The following BICC1 variants were observed in gnomAD, a reference collection of about 807,000 sequenced individuals.
BICC1 encodes the protein BicC family RNA binding protein 1.
A neutral mutation model predicts 111.0 loss-of-function variants in BICC1; 43 were observed. The ratio of observed to expected loss-of-function variants is 0.39; its 90% CI spans 0.30 to 0.50. BICC1 has a LOEUF of 0.50. Ranked by LOEUF, BICC1 falls within the 20% of genes least tolerant of loss-of-function variation. The pLI is 0.88. For synonymous variants in BICC1, 467 were observed against 434.4 expected (o/e 1.07, Z -0.93); for missense variants, 1,091 against 1,203.2 (o/e 0.91, Z 1.38).
intron 1 of BICC1, among the ~76,000 whole-genome samples, chr10:58,593,982 A>C (rs896437769): frequency 6.6e-6 from 1 of 152,000 alleles, no homozygotes; most frequent in Admixed American, 6.6e-5. Flanking sequence ...CCTTTAAAAA[A>C]GGTGAGACGA....
intron 1 of BICC1, among the ~76,000 whole-genome samples, chr10:58,581,173 A>G (rs1223560567): frequency 6.6e-6 from 1 of 152,178 alleles, no homozygotes; most frequent in Non-Finnish European, 1.5e-5. Context: ...ATAAAGTCTC[A>G]GATAATTGTG....
At position 58,831,195 on chromosome 10, in the gene BICC1, G is replaced by A. The variant is rs1293644309; in HGVS notation, c.*2304G>A. 1 of 152,146 alleles carries A rather than the reference G, an allele frequency of 6.6e-6. No homozygotes were observed. The highest frequency in any genetic ancestry group is 1.5e-5 in the Non-Finnish European group (1 of 68,030). 9.4% of individuals were successfully genotyped at this position (152,146 alleles called of 1,614,324 possible). A position where few individuals can be genotyped will look rare whatever the true frequency, so the allele number is the denominator to read the frequency against. On this transcript the variant is annotated 3_prime_UTR_variant, in exon 21 of 21. Coordinates refer to ENST00000373886, the MANE Select transcript of BICC1 (RefSeq NM_001080512.3). ...GTATACAGAGTTGTTGTTATATGAT[G>A]CACAAAATATTTTGATGATTTGAAT...
At chr10:58,667,501 C>G (rs1201181829) in intron 2 of BICC1, among the ~76,000 whole-genome samples, 39 of 364 alleles carry the variant, frequency 0.11, no homozygotes, top group African/African-American at 0.25. Context: ...CTTATATTTC[C>G]CTTTCAAAGG....
intron 1 of BICC1, among the ~76,000 whole-genome samples, chr10:58,545,328 T>C (rs188085653): frequency 2.0e-3 from 303 of 152,222 alleles, no homozygotes; most frequent in African/African-American, 6.9e-3. Context: ...GTTTCTCAAG[T>C]TTGCAAAATT....
intron 3 of BICC1, among the ~76,000 whole-genome samples, chr10:58,753,026 G>A (rs908209078): frequency 2.6e-5 from 4 of 152,270 alleles, no homozygotes; most frequent in Non-Finnish European, 5.9e-5. Flanking sequence ...AAAGTGGGGC[G>A]ATTGAAGGGC....
chr10:58,595,900 C>G (rs958178782), intron 1 of BICC1, among the ~76,000 whole-genome samples: 10 of 152,108 alleles, frequency 6.6e-5, no homozygotes, highest in African/African-American at 1.2e-4. Flanking sequence ...ATGAAAAACT[C>G]TTTAAAAAAT....
chr10:58,585,219 G>A (rs1419698714), intron 1 of BICC1, among the ~76,000 whole-genome samples: 1 of 152,080 alleles, frequency 6.6e-6, no homozygotes, highest in Non-Finnish European at 1.5e-5. Context: ...GTTTACTTTG[G>A]CAAGCAAGGC....
intron 2 of BICC1, among the ~76,000 whole-genome samples, chr10:58,701,346 C>T (rs571644299): frequency 2.0e-5 from 3 of 152,208 alleles, no homozygotes; most frequent in African/African-American, 4.8e-5. Flanking sequence ...GAACAGAGGA[C>T]GCACATTTTA....
intron 2 of BICC1, among the ~76,000 whole-genome samples, chr10:58,672,689 C>G (rs995215470): frequency 2.0e-5 from 3 of 152,136 alleles, no homozygotes; most frequent in African/African-American, 4.8e-5. Flanking sequence ...CCATCCTTTC[C>G]CCGGTGGGAA....
At chr10:58,730,291 A>C (rs1327069224) in intron 3 of BICC1, among the ~76,000 whole-genome samples, 1 of 152,208 alleles carries the variant, frequency 6.6e-6, no homozygotes, top group Non-Finnish European at 1.5e-5. Flanking sequence ...CTTTGACTTC[A>C]TGTCCCACAT....
In BICC1 at chr10:58,798,423, C is replaced by G. The variant is rs928048720; in HGVS notation, c.1391C>G (p.Ser464Cys). ...GGTCTTTTGGGACCCACCACCTTAT[C>G]TCTGAACACTTCAACAACCCCAAAC... The part of the protein sequence containing the change: ...GLGLLGPTTL[S>C]LNTSTTPNSL... The change falls in exon 11 of 21, where the codon TCT becomes TGT. Residue 464 changes from serine to cysteine, a missense_variant. By Grantham distance (112) the Ser-to-Cys change is moderately radical. Coordinates refer to ENST00000373886, the MANE Select transcript of BICC1 (RefSeq NM_001080512.3). 3.1e-6 allele frequency: 5 copies of G among 1,608,544 alleles called. No homozygotes were observed. Among genetic ancestry groups the G allele is most frequent in the Non-Finnish European group, 4.2e-6 (5 of 1,177,782 alleles).
At chr10:58,621,873 G>C (rs1845818297) in intron 2 of BICC1, among the ~76,000 whole-genome samples, 1 of 145,516 alleles carries the variant, frequency 6.9e-6, no homozygotes, top group Non-Finnish European at 1.5e-5. Context: ...ACTCCAGCCT[G>C]GGCAACAGAG....
At chr10:58,749,204 G>A (rs2393482) in intron 3 of BICC1, among the ~76,000 whole-genome samples, 94,554 of 151,964 alleles carry the variant, frequency 0.62, 30,465 homozygotes, top group East Asian at 0.9. Context: ...CATGGTATGC[G>A]TTAGATGCTC....
chr10:58,686,828 C>T (rs771973817), intron 2 of BICC1, among the ~76,000 whole-genome samples: 4 of 152,266 alleles, frequency 2.6e-5, no homozygotes, highest in Admixed American at 6.5e-5. Context: ...TTCTTTAGCT[C>T]AGAGAAGTTT....
chr10:58,656,899 G>A (rs1265758963), intron 2 of BICC1, among the ~76,000 whole-genome samples: 1 of 152,136 alleles, frequency 6.6e-6, no homozygotes, highest in African/African-American at 2.4e-5. Context: ...CGGCATAACA[G>A]TTTATAATCT....
At chr10:58,611,246 G>A (rs957367368) in intron 1 of BICC1, among the ~76,000 whole-genome samples, 1 of 152,052 alleles carries the variant, frequency 6.6e-6, no homozygotes, top group Admixed American at 6.5e-5. Context: ...GCTATTTAAA[G>A]GTATGCTGAA....
Position 58,533,128 on chromosome 10 carries a change from A to T in BICC1, c.190+19795A>T, listed in dbSNP as rs11006176. Among the ~76,000 whole-genome samples, 424 of 152,018 alleles carry T rather than the reference A, an allele frequency of 2.8e-3. 1 individual carries two copies. The highest frequency in any genetic ancestry group is 4.9e-3 in the Non-Finnish European group (334 of 67,878). On this transcript the variant is annotated intron_variant, in intron 1 of 20. Coordinates refer to ENST00000373886, the MANE Select transcript of BICC1 (RefSeq NM_001080512.3). The stretch of plus-strand genomic sequence containing the variant: ...GTTTTGAGAAACCCAAAGCTTTAGA[A>T]GAAAAACGTCTGGGAAAGCTTCATC...
At chr10:58,702,699 C>T (rs1221332272) in intron 3 of BICC1, among the ~76,000 whole-genome samples, 1 of 152,154 alleles carries the variant, frequency 6.6e-6, no homozygotes, top group East Asian at 1.9e-4. Context: ...CTAAAGGCCT[C>T]CCTAGTTTTC....
At chr10:58,643,539 A>G (rs1291495183) in intron 2 of BICC1, among the ~76,000 whole-genome samples, 3 of 152,276 alleles carry the variant, frequency 2.0e-5, no homozygotes, top group Non-Finnish European at 4.4e-5. Context: ...CAGAATGGTC[A>G]GGACTTACAG....
Sources: allele counts gnomAD v4.1 joint callset (sites outside exome capture counted in the v4.1 genomes callset), GRCh38; gene constraint gnomAD v4.1.1; transcripts MANE v1.5; gene names NCBI Gene and HGNC (gene_info 2026-07-23, HGNC 2026-07-21).